PRRG1: variants seen among roughly 807,000 people sequenced by gnomAD.
PRRG1 encodes transmembrane gamma-carboxyglutamic acid protein 1.
Under a neutral mutation model 11.8 loss-of-function variants are expected in PRRG1, and 5 were observed. The observed-to-expected ratio is 0.42, with a 90% confidence interval of 0.22 to 0.89. PRRG1 has a LOEUF of 0.89. PRRG1 is among the 40% of genes least tolerant of loss of function. The pLI is 0.28. For missense variants in PRRG1, 155 were observed against 166.1 expected (o/e 0.93, Z 0.37); for synonymous variants, 66 against 60.4 (o/e 1.09, Z -0.43).
intron 3 of PRRG1, among the ~76,000 whole-genome samples, chrX:37,429,565 G>A (rs1932806259): frequency 9.0e-6 from 1 of 111,505 alleles, no homozygotes; most frequent in South Asian, 3.8e-4. Context: ...GGACCTTATT[G>A]TTCATATCAC....
At chrX:37,403,257 T>G (rs1295206934) in intron 1 of PRRG1, among the ~76,000 whole-genome samples, 1 of 109,714 alleles carries the variant, frequency 9.1e-6, no homozygotes, top group Non-Finnish European at 1.9e-5. Flanking sequence ...TAGACTGGAT[T>G]AAGAAAATGT....
intron 1 of PRRG1, among the ~76,000 whole-genome samples, chrX:37,363,786 C>G (rs1930485932): frequency 9.0e-6 from 1 of 111,529 alleles, no homozygotes; most frequent in Admixed American, 9.5e-5. Context: ...TCATTCACCC[C>G]CCAAAACTTC....
At chrX:37,420,838 G>T (rs1188483872) in intron 2 of PRRG1, among the ~76,000 whole-genome samples, 1 of 110,114 alleles carries the variant, frequency 9.1e-6, no homozygotes, top group Non-Finnish European at 1.9e-5. Context: ...CTCTAGCCTG[G>T]GCTACAGAGC....
chrX:37,442,663 A>G (rs1933006610), intron 3 of PRRG1, among the ~76,000 whole-genome samples: 1 of 111,229 alleles, frequency 9.0e-6, no homozygotes, highest in Non-Finnish European at 1.9e-5. Flanking sequence ...CTTTTCATGA[A>G]CACTTTTTTT....
chrX:37,412,697 A>G (rs1195848825), intron 2 of PRRG1, among the ~76,000 whole-genome samples: 1 of 105,416 alleles, frequency 9.5e-6, no homozygotes, highest in Non-Finnish European at 2.0e-5. Context: ...TTCTCACCAG[A>G]AAAAAAAAAA....
intron 1 of PRRG1, among the ~76,000 whole-genome samples, chrX:37,370,375 A>T (rs1190895706): frequency 8.9e-6 from 1 of 111,927 alleles, no homozygotes; most frequent in Admixed American, 9.4e-5. Context: ...TTGATGGCGC[A>T]GTGGCCCACC....
chrX:37,403,970 G>GA (rs1320555309), intron 1 of PRRG1, among the ~76,000 whole-genome samples: 4 of 112,098 alleles, frequency 3.6e-5, no homozygotes, highest in Non-Finnish European at 7.5e-5. Context: ...TCCCCTGGAA[G>GA]ATGGCTGCCT....
At chrX:37,369,437 T>G (rs1930687517) in intron 1 of PRRG1, among the ~76,000 whole-genome samples, 1 of 112,221 alleles carries the variant, frequency 8.9e-6, no homozygotes, top group Non-Finnish European at 1.9e-5. Context: ...AAATTGAGCT[T>G]GTTAACATAT....
intron 2 of PRRG1, among the ~76,000 whole-genome samples, chrX:37,417,592 CT>C (rs1174098702): frequency 9.0e-6 from 1 of 111,686 alleles, no homozygotes; most frequent in Non-Finnish European, 1.9e-5. Context: ...TAAATAGTGT[CT>C]TTTTAGTTTG....
chrX:37,406,106 A>G, intron 1 of PRRG1, 103 bp from the exon 2 acceptor site: 1 of 672,340 alleles, frequency 1.5e-6, no homozygotes, highest in Admixed American at 3.2e-5. Flanking sequence ...ATGTACTGAA[A>G]TGAAATGCTC....
At chrX:37,441,323 C>A in intron 3 of PRRG1, 1 of 757,403 alleles carries the variant, frequency 1.3e-6, no homozygotes, top group Non-Finnish European at 1.6e-6. Flanking sequence ...TCAGACAGTG[C>A]AGAGTTCACT....
At chrX:37,387,504 G>A (rs1176426198) in intron 1 of PRRG1, among the ~76,000 whole-genome samples, 6 of 111,489 alleles carry the variant, frequency 5.4e-5, no homozygotes, top group African/African-American at 1.6e-4. Flanking sequence ...GGCAGAAGGC[G>A]AAGAGCCAGC....
At chrX:37,353,824 A>G (rs1930148033) in intron 1 of PRRG1, among the ~76,000 whole-genome samples, 1 of 112,532 alleles carries the variant, frequency 8.9e-6, no homozygotes, top group Non-Finnish European at 1.9e-5. Flanking sequence ...TATGATGTTG[A>G]CACAACAACG....
chrX:37,433,380 A>T (rs782191492), intron 3 of PRRG1, among the ~76,000 whole-genome samples: 7 of 111,622 alleles, frequency 6.3e-5, no homozygotes, highest in Middle Eastern at 4.2e-3. Context: ...ACAGCACGTG[A>T]CCTGCCTCAT....
At chrX:37,411,175 A>G (rs1932340936) in intron 2 of PRRG1, among the ~76,000 whole-genome samples, 1 of 112,209 alleles carries the variant, frequency 8.9e-6, no homozygotes, top group African/African-American at 3.2e-5. Context: ...GTATGTAAAC[A>G]TAGCATTTAC....
At chrX:37,420,944 A>G (rs191738967) in intron 2 of PRRG1, among the ~76,000 whole-genome samples, 1 of 111,152 alleles carries the variant, frequency 9.0e-6, no homozygotes, top group African/African-American at 3.3e-5. Context: ...CACCAGAAAT[A>G]TGCCTGCCTT....
chrX:37,424,486 A>G lies in PRRG1; in HGVS notation c.11-1354A>G, dbSNP rs1425692234. 2.7e-5 allele frequency among the ~76,000 whole-genome samples: 3 copies of G among 111,569 alleles called. No homozygotes were observed. In the Admixed American group the frequency reaches 2.8e-4, roughly 11 times the overall value. On this transcript the variant is annotated intron_variant, in intron 2 of 3. Transcript: ENST00000378628. The stretch of plus-strand genomic sequence containing the variant: ...AAATTTTACTGTTATTCTCCAACTT[A>G]ACAGTAACCTTTTGCTTTCCTTCAT...
At chrX:37,440,934 T>TA (rs1186318054) in intron 3 of PRRG1, 88 of 565,131 alleles carry the variant, frequency 1.6e-4, no homozygotes, top group African/African-American at 9.9e-4. Flanking sequence ...CTGGCTAATT[T>TA]AAAAAACAAA....
At chrX:37,442,236 A>G in intron 3 of PRRG1, 1 of 751,257 alleles carries the variant, frequency 1.3e-6, no homozygotes, top group South Asian at 6.8e-5. Context: ...AAAGGTGTCC[A>G]GTTGATGCGT....
Sources: allele counts gnomAD v4.1 joint callset (sites outside exome capture counted in the v4.1 genomes callset), GRCh38; gene constraint gnomAD v4.1.1; transcripts MANE v1.5; gene names NCBI Gene and HGNC (gene_info 2026-07-23, HGNC 2026-07-21).